PSD3: variants seen among roughly 807,000 people sequenced by gnomAD.
PSD3 encodes the protein PH and SEC7 domain-containing protein 3.
PSD3 carries 49 observed loss-of-function variants against 105.5 expected under a neutral mutation model. That is an observed-to-expected ratio of 0.46 (90% CI 0.37 to 0.59). PSD3 has a LOEUF of 0.59. Among genes scored for constraint, PSD3 ranks in the 20% least tolerant of loss-of-function variants. The probability of loss-of-function intolerance (pLI) is 0.00; values close to 1 mark genes in which losing one functional copy is unlikely to be tolerated. For synonymous variants in PSD3, 557 were observed against 457.8 expected, an observed-to-expected ratio of 1.22 and a Z score of -2.77; for missense variants, 1,561 against 1,263.8, an observed-to-expected ratio of 1.24 and a Z score of -3.57.
At chr8:18,958,109 C>T (rs1269605244) in intron 1 of PSD3, among the ~76,000 whole-genome samples, 1 of 151,968 alleles carries the variant, frequency 6.6e-6, no homozygotes, top group African/African-American at 2.4e-5. Context: ...TAAATGTCAT[C>T]AAGGGCCTGG....
chr8:19,014,068 T>TG (rs1241417463), upstream of PSD3: 2 of 152,828 alleles, frequency 1.3e-5, no homozygotes, highest in African/African-American at 4.8e-5. This position sits in a 1 kb window ranked among gnomAD's most constrained non-coding sequence, Gnocchi z 4.9. Context: ...ACCTGCCTGT[T>TG]GCTTTGTCTT....
At chr8:18,595,179 T>C (rs966652926) in intron 12 of PSD3, among the ~76,000 whole-genome samples, 19 of 150,844 alleles carry the variant, frequency 1.3e-4, no homozygotes, top group Non-Finnish European at 2.7e-4. Flanking sequence ...AATAGATCAT[T>C]ATAACTGTTT....
At chr8:19,029,177 A>C (rs1586645619) in intron 1 of PSD3, among the ~76,000 whole-genome samples, 2 of 152,220 alleles carry the variant, frequency 1.3e-5, no homozygotes, top group African/African-American at 2.4e-5. Flanking sequence ...GAGAATCAAT[A>C]TATTAGTTTC....
chr8:18,562,962 A>G (rs1056683047), intron 14 of PSD3, among the ~76,000 whole-genome samples: 1 of 152,028 alleles, frequency 6.6e-6, no homozygotes, highest in African/African-American at 2.4e-5. Context: ...AACCAAACCT[A>G]TGTTACTCTA....
chr8:18,701,925 G>A (rs1383749564), intron 9 of PSD3, among the ~76,000 whole-genome samples: 1 of 152,162 alleles, frequency 6.6e-6, no homozygotes, highest in Admixed American at 6.5e-5. Context: ...TATGTTCACA[G>A]GACCATTTAC....
At chr8:18,652,670 G>T (rs1054855184) in intron 10 of PSD3, among the ~76,000 whole-genome samples, 1 of 151,632 alleles carries the variant, frequency 6.6e-6, no homozygotes, top group Admixed American at 6.6e-5. Flanking sequence ...GCTAATTTTT[G>T]TATTTTTAGT....
intron 2 of PSD3, among the ~76,000 whole-genome samples, chr8:18,883,425 A>T (rs1818251799): frequency 6.6e-6 from 1 of 152,194 alleles, no homozygotes; most frequent in African/African-American, 2.4e-5. Flanking sequence ...AGAGAGGAAG[A>T]GAATTGCCTC....
At chr8:18,742,818 T>A (rs1804679190) in intron 9 of PSD3, among the ~76,000 whole-genome samples, 1 of 152,222 alleles carries the variant, frequency 6.6e-6, no homozygotes, top group Non-Finnish European at 1.5e-5. Flanking sequence ...GAGCTAGTCA[T>A]ACCCATCCTT....
chr8:18,747,377 C>A (rs923718920), intron 9 of PSD3, among the ~76,000 whole-genome samples: 2 of 152,098 alleles, frequency 1.3e-5, no homozygotes, highest in Admixed American at 6.5e-5. Flanking sequence ...TTTAAAAAAT[C>A]AATTTTCCCT....
intron 4 of PSD3, among the ~76,000 whole-genome samples, chr8:18,827,269 C>G (rs957429050): frequency 1.1e-4 from 17 of 152,160 alleles, no homozygotes; most frequent in Non-Finnish European, 2.1e-4. Context: ...ACACACAACC[C>G]TGAACCAAAA....
intron 15 of PSD3, among the ~76,000 whole-genome samples, chr8:18,551,571 G>C (rs1800770760): frequency 6.6e-6 from 1 of 152,104 alleles, no homozygotes; most frequent in African/African-American, 2.4e-5. Context: ...TGTTATAGTG[G>C]ACATTTGTTG....
chr8:19,083,928 T>A (rs1048653106), intron 1 of PSD3, among the ~76,000 whole-genome samples: 2 of 152,180 alleles, frequency 1.3e-5, no homozygotes, highest in African/African-American at 4.8e-5. Context: ...CCCTATAAAG[T>A]ATGCCTGACT....
chr8:18,980,131 A>T (rs1825175081), intron 1 of PSD3, among the ~76,000 whole-genome samples: 1 of 152,228 alleles, frequency 6.6e-6, no homozygotes, highest in Non-Finnish European at 1.5e-5. Flanking sequence ...AATGCTACTT[A>T]AAGACCTACT....
chr8:18,699,521 G>A (rs1244228464), intron 9 of PSD3, among the ~76,000 whole-genome samples: 1 of 152,116 alleles, frequency 6.6e-6, no homozygotes, highest in South Asian at 2.1e-4. Context: ...AGAGTGTAGT[G>A]AAAACTGGGG....
At chr8:18,553,845 TCG>T (rs1471110034) in intron 15 of PSD3, among the ~76,000 whole-genome samples, 24 of 152,224 alleles carry the variant, frequency 1.6e-4, no homozygotes, top group Non-Finnish European at 3.2e-4. Flanking sequence ...TCAGCTATCC[TCG>T]CGCCTTTCTG....
chr8:18,656,078 G>C (rs1393458328), intron 9 of PSD3, among the ~76,000 whole-genome samples: 1 of 151,962 alleles, frequency 6.6e-6, no homozygotes, highest in Non-Finnish European at 1.5e-5. Context: ...CTTTTTTTCA[G>C]ACGGAGTCTC....
intron 4 of PSD3, among the ~76,000 whole-genome samples, chr8:18,857,699 C>T (rs10503638): frequency 0.09 from 13,694 of 152,170 alleles, 777 homozygotes; most frequent in African/African-American, 0.16. Flanking sequence ...ACTTGGACCT[C>T]TTGGTAAAAT....
intron 1 of PSD3, among the ~76,000 whole-genome samples, chr8:19,022,769 C>A (rs530086678): frequency 6.6e-6 from 1 of 152,226 alleles, no homozygotes; most frequent in Admixed American, 6.5e-5. Flanking sequence ...GCTGTCATCA[C>A]CATCTCCTCA....
intron 4 of PSD3, among the ~76,000 whole-genome samples, chr8:18,827,356 G>A (rs751714541): frequency 4.6e-5 from 7 of 152,172 alleles, no homozygotes; most frequent in Admixed American, 1.3e-4. Flanking sequence ...AGACAGAGAC[G>A]TGTAAGACTG....
Sources: allele counts gnomAD v4.1 joint callset (sites outside exome capture counted in the v4.1 genomes callset), GRCh38; gene constraint gnomAD v4.1.1; non-coding constraint Gnocchi (gnomAD v3.1); transcripts MANE v1.5; gene names NCBI Gene and HGNC (gene_info 2026-07-23, HGNC 2026-07-21).